STK31: variants seen among roughly 807,000 people sequenced by gnomAD.
The protein encoded by STK31 is serine/threonine kinase 31.
Under a neutral mutation model 129.7 loss-of-function variants are expected in STK31, and 89 were observed. The observed-to-expected ratio is 0.69, with a 90% confidence interval of 0.58 to 0.82. STK31 has a LOEUF of 0.82. Among genes scored for constraint, STK31 ranks in the 40% least tolerant of loss-of-function variants. The probability of loss-of-function intolerance (pLI) is 0.00; values close to 1 mark genes in which losing one functional copy is unlikely to be tolerated. For synonymous variants in STK31, 448 were observed against 395.3 expected (o/e 1.13, Z -1.58); for missense variants, 1,187 against 1,176.4 (o/e 1.01, Z -0.13).
intron 23 of STK31, among the ~76,000 whole-genome samples, chr7:23,823,891 AAAGATCAGGT>A (rs1427180535): frequency 3.9e-5 from 6 of 152,134 alleles, no homozygotes; most frequent in African/African-American, 1.4e-4. Flanking sequence ...CAGGTTTGTC[AAAGATCAGGT>A]AGTTGTAGGT....
chr7:23,738,376 G>T (rs545719625), intron 8 of STK31, among the ~76,000 whole-genome samples: 1 of 132,764 alleles, frequency 7.5e-6, no homozygotes, highest in East Asian at 2.3e-4. Flanking sequence ...GAGTATTTTG[G>T]TTTTGTTTGT....
chr7:23,806,987 G>C (rs181802296), intron 22 of STK31, among the ~76,000 whole-genome samples: 21 of 151,662 alleles, frequency 1.4e-4, no homozygotes, highest in African/African-American at 4.8e-4. Flanking sequence ...GGAATTTCGT[G>C]TATTAATATT....
chr7:23,751,072 A>G (rs1459843353), intron 8 of STK31, among the ~76,000 whole-genome samples: 2 of 152,046 alleles, frequency 1.3e-5, no homozygotes, highest in Admixed American at 6.6e-5. Flanking sequence ...TCCACTCTCT[A>G]CCTCCATGAG....
At chr7:23,779,704 C>T (rs1218005755) in intron 15 of STK31, among the ~76,000 whole-genome samples, 2 of 152,148 alleles carry the variant, frequency 1.3e-5, no homozygotes, top group African/African-American at 4.8e-5. Context: ...GCTGGAGTGA[C>T]CCAGGTTGAC....
intron 4 of STK31, among the ~76,000 whole-genome samples, chr7:23,718,613 G>C (rs1786501052): frequency 6.6e-6 from 1 of 151,964 alleles, no homozygotes; most frequent in African/African-American, 2.4e-5. Flanking sequence ...TATGTATCTG[G>C]CTTCTTTTGT....
intron 23 of STK31, among the ~76,000 whole-genome samples, chr7:23,830,809 G>A (rs952453439): frequency 3.9e-5 from 6 of 151,996 alleles, no homozygotes; most frequent in Non-Finnish European, 5.9e-5. Context: ...TAGTAGAGAC[G>A]AGGTTTCACC....
At chr7:23,823,511 G>C (rs1793919041) in intron 23 of STK31, among the ~76,000 whole-genome samples, 1 of 152,114 alleles carries the variant, frequency 6.6e-6, no homozygotes, top group Non-Finnish European at 1.5e-5. Flanking sequence ...TTTGTCAGAT[G>C]AGTAGGTTGC....
chr7:23,824,152 G>T (rs188965850), intron 23 of STK31, among the ~76,000 whole-genome samples: 1 of 152,198 alleles, frequency 6.6e-6, no homozygotes. Flanking sequence ...TTGGTAGCTC[G>T]ATGGGGATGG....
At chr7:23,752,595 C>A in intron 8 of STK31, 122 bp from the exon 9 acceptor site, 1 of 698,532 alleles carries the variant, frequency 1.4e-6, no homozygotes, top group Non-Finnish European at 2.5e-6. Context: ...TCCTCCTTGG[C>A]CTCCCAAAGT....
intron 22 of STK31, among the ~76,000 whole-genome samples, chr7:23,797,715 A>C (rs897889676): frequency 1.1e-4 from 17 of 152,178 alleles, no homozygotes; most frequent in Non-Finnish European, 1.9e-4. Flanking sequence ...CAGAAGCAAG[A>C]ACAAACAAAT....
chr7:23,738,954 T>C (rs1787887879), intron 8 of STK31, among the ~76,000 whole-genome samples: 1 of 152,248 alleles, frequency 6.6e-6, no homozygotes, highest in African/African-American at 2.4e-5. Flanking sequence ...CATATGTCTT[T>C]ATAGTAGAAT....
intron 4 of STK31, among the ~76,000 whole-genome samples, chr7:23,718,057 C>A (rs1158289914): frequency 6.6e-6 from 1 of 151,980 alleles, no homozygotes; most frequent in African/African-American, 2.4e-5. Context: ...TACTTAATGC[C>A]ACTGAACTGT....
intron 10 of STK31, among the ~76,000 whole-genome samples, chr7:23,761,423 CT>C (rs11326557): frequency 0.43 from 58,712 of 136,456 alleles, 11,126 homozygotes; most frequent in Admixed American, 0.51. Context: ...TGGCCATATG[CT>C]TTTTTTTTTT....
chr7:23,807,578 A>T (rs372920586), intron 22 of STK31, among the ~76,000 whole-genome samples: 82 of 152,220 alleles, frequency 5.4e-4, no homozygotes, highest in African/African-American at 1.7e-3. Context: ...CTGTGGGCTT[A>T]TGTTTTTCAA....
chr7:23,743,333 A>G (rs150707854), intron 8 of STK31, among the ~76,000 whole-genome samples: 116 of 152,330 alleles, frequency 7.6e-4, no homozygotes, highest in African/African-American at 2.6e-3. Context: ...GGGATGGTCT[A>G]GTGCTGATGA....
At position 23,832,322 on chromosome 7, in the gene STK31, T is replaced by C. The variant is rs1794604649; in HGVS notation, c.3016T>C (p.Cys1006Arg). The change falls in exon 24 of 24, where the codon TGT becomes CGT. Residue 1006 changes from cysteine to arginine, a missense_variant. Physicochemically the swap from Cys to Arg is radical, Grantham distance 180 (BLOSUM62 -3). Coordinates refer to ENST00000355870, the MANE Select transcript of STK31 (RefSeq NM_031414.5). ...AATAAAGACGGAGAACTTGGATAAA[T>C]GTATGGAGAAGACAAGAAATGGTGA... ...EEIKTENLDK[C>R]MEKTRNGEAN... The C allele has an allele frequency of 1.2e-6, 2 of 1,613,424 alleles. No homozygotes were observed. Among genetic ancestry groups the C allele is most frequent in the Non-Finnish European group, 1.7e-6 (2 of 1,179,914 alleles).
intron 22 of STK31, among the ~76,000 whole-genome samples, chr7:23,798,341 A>G (rs1441074962): frequency 1.3e-5 from 2 of 152,136 alleles, no homozygotes; most frequent in Admixed American, 1.3e-4. Context: ...CATTGATGCA[A>G]AAATCCTCAA....
In STK31 at chr7:23,766,149, C is replaced by G. The variant is rs1789810342; in HGVS notation, c.1417-2846C>G. ...AGTTATTTGATATTTCAGGATATCTCATTTCAATCTCAAATACAAATAGTT... is the reference window on the plus strand; with the variant it reads ...AGTTATTTGATATTTCAGGATATCTGATTTCAATCTCAAATACAAATAGTT... On this transcript the variant is annotated intron_variant, in intron 11 of 23. Coordinates refer to ENST00000355870, the MANE Select transcript of STK31 (RefSeq NM_031414.5). Among the ~76,000 whole-genome samples the G allele has an allele frequency of 2.0e-5, 3 of 152,168 alleles. No homozygotes were observed. The South Asian group carries it at 6.2e-4, about 32-fold the overall frequency.
chr7:23,813,078 C>CTTTTTTTTTTTTTTTTTTTTTTTCT (rs70956924), intron 22 of STK31, among the ~76,000 whole-genome samples: 1 of 94,116 alleles, frequency 1.1e-5, no homozygotes, highest in Non-Finnish European at 2.0e-5. Flanking sequence ...GCTCTCTGTT[C>CTTTTTTTTTTTTTTTTTTTTTTTCT]TTTTTTTTTT....
Sources: gnomAD v4.1 joint callset for allele counts (sites outside exome capture counted in the v4.1 genomes callset) on GRCh38, gnomAD v4.1.1 for gene constraint, MANE v1.5 for transcripts, NCBI Gene and HGNC (gene_info 2026-07-23, HGNC 2026-07-21) for gene names.